AHCYL1: variants seen among roughly 807,000 people sequenced by gnomAD.
AHCYL1 encodes the protein adenosylhomocysteinase like 1, also known as S-adenosylhomocysteine hydrolase-like protein 1.
In AHCYL1, 20 loss-of-function variants were observed where a neutral mutation model predicts 79.3. The observed-to-expected ratio is 0.25, with a 90% CI of 0.18 to 0.37. The LOEUF (loss-of-function observed/expected upper bound fraction) is 0.37, where lower values mean the gene tolerates loss of function less well. AHCYL1 is among the 10% of genes least tolerant of loss of function. The pLI, the probability that AHCYL1 is intolerant of heterozygous loss-of-function variation, is 1.00. For missense variants in AHCYL1, 330 were observed against 673.6 expected (o/e 0.49, Z 5.65); for synonymous variants, 223 against 242.2 (o/e 0.92, Z 0.74).
At position 110,017,995 on chromosome 1, in the gene AHCYL1, G is replaced by A. The variant is rs1417659180; in HGVS notation, c.1102G>A (p.Asp368Asn). ...GCTAAATGAAGTCATCCGGCAAGTC[G>A]ATGTCGTAATAACTTGCACAGGTAA... ...VKLNEVIRQV[D>N]VVITCTGNKN... The change falls in exon 11 of 17, where the codon GAT becomes AAT. Residue 368 changes from aspartate (D) to asparagine (N), a missense_variant. By Grantham distance (23) the Asp-to-Asn change is conservative (BLOSUM62 1). Coordinates refer to ENST00000369799, the MANE Select transcript of AHCYL1 (RefSeq NM_006621.7). 6 of 1,614,044 alleles carry A rather than the reference G, an allele frequency of 3.7e-6. No homozygotes were observed. Among genetic ancestry groups the A allele is most frequent in the African/African-American group, 2.7e-5 (2 of 74,922 alleles).
chr1:110,016,822 G>T (rs1651449857), intron 9 of AHCYL1, 92 bp downstream of exon 9: 1 of 1,438,784 alleles, frequency 7.0e-7, no homozygotes, highest in Admixed American at 2.2e-5. Context: ...TAGAGTCACT[G>T]ATACAAGGTT....
chr1:110,012,265 CATCTCACCAT>C (rs1056562385), intron 3 of AHCYL1, 87 bp from the exon 4 acceptor site: 17 of 1,046,526 alleles, frequency 1.6e-5, no homozygotes, highest in Non-Finnish European at 2.2e-5. Context: ...TTTTCTGCCT[CATCTCACCAT>C]ATCTCAACAG....
intron 3 of AHCYL1, 143 bp downstream of exon 3, chr1:110,011,500 T>A (rs138698293): frequency 8.7e-7 from 1 of 1,148,520 alleles, no homozygotes; most frequent in African/African-American, 1.6e-5. Context: ...TAAACACTTC[T>A]CTCTCTATGG....
intron 1 of AHCYL1, among the ~76,000 whole-genome samples, chr1:110,000,273 GA>G (rs1319196473): frequency 6.6e-6 from 1 of 152,142 alleles, no homozygotes; most frequent in African/African-American, 2.4e-5. Context: ...TACAAATAGG[GA>G]ATTCTGAATT....
intron 1 of AHCYL1, among the ~76,000 whole-genome samples, chr1:109,990,346 G>C (rs1649688859): frequency 6.6e-6 from 1 of 152,078 alleles, no homozygotes; most frequent in Non-Finnish European, 1.5e-5. Context: ...GGGTTTTTTT[G>C]TACCTAGAGT....
intron 1 of AHCYL1, 106 bp from the exon 2 acceptor site, chr1:110,008,928 C>T: frequency 1.2e-6 from 1 of 804,434 alleles, no homozygotes; most frequent in Non-Finnish European, 1.9e-6. Context: ...TAGTAGGAAC[C>T]ATGTGATTAC....
At chr1:110,011,135 G>T (rs576613696) in intron 2 of AHCYL1, 79 bp from the exon 3 acceptor site, 202 of 1,532,062 alleles carry the variant, frequency 1.3e-4, no homozygotes, top group African/African-American at 4.3e-4. Flanking sequence ...TTAAATGAAA[G>T]TCCCTTGGGG....
intron 1 of AHCYL1, among the ~76,000 whole-genome samples, chr1:110,000,608 A>G (rs1325532812): frequency 6.6e-6 from 1 of 152,238 alleles, no homozygotes; most frequent in African/African-American, 2.4e-5. Flanking sequence ...TTATAAGCTC[A>G]GAAAGCTTAT....
At chr1:110,001,808 A>G (rs1650328731) in intron 1 of AHCYL1, among the ~76,000 whole-genome samples, 1 of 152,242 alleles carries the variant, frequency 6.6e-6, no homozygotes, top group Non-Finnish European at 1.5e-5. Context: ...AGAAAAAAGG[A>G]AAGCTTTAAG....
At chr1:110,021,242 AAAAC>A (rs771107417) in intron 16 of AHCYL1, among the ~76,000 whole-genome samples, 2 of 152,090 alleles carry the variant, frequency 1.3e-5, no homozygotes, top group Non-Finnish European at 2.9e-5. Flanking sequence ...CTCTGTCTTA[AAAAC>A]AAACAAACAA....
chr1:110,000,463 T>C (rs7553933), intron 1 of AHCYL1, among the ~76,000 whole-genome samples: 17,317 of 152,224 alleles, frequency 0.11, 2,989 homozygotes, highest in African/African-American at 0.37. Flanking sequence ...AGCAGTACTT[T>C]TCAATGGCAA....
intron 16 of AHCYL1, 65 bp downstream of exon 16, chr1:110,020,916 C>G (rs1412635344): frequency 6.4e-7 from 1 of 1,550,996 alleles, no homozygotes; most frequent in African/African-American, 1.4e-5. Context: ...GGCTAGCCTG[C>G]TTCTGACATA....
chr1:109,995,974 C>G (rs1381186073), intron 1 of AHCYL1, among the ~76,000 whole-genome samples: 1 of 152,198 alleles, frequency 6.6e-6, no homozygotes, highest in Non-Finnish European at 1.5e-5. Flanking sequence ...AATCCCAACA[C>G]TTTGGGAGGC....
At chr1:110,006,467 C>T (rs555108403) in intron 1 of AHCYL1, among the ~76,000 whole-genome samples, 16 of 152,254 alleles carry the variant, frequency 1.1e-4, no homozygotes, top group African/African-American at 3.4e-4. Context: ...TCTTCCTTTT[C>T]GTCTTACCCA....
At chr1:110,011,422 A>G in intron 3 of AHCYL1, 65 bp downstream of exon 3, 1 of 1,587,154 alleles carries the variant, frequency 6.3e-7, no homozygotes, top group Non-Finnish European at 8.6e-7. Flanking sequence ...GAATCCACAA[A>G]CAACTTAAGA....
At chr1:110,019,264 A>G in intron 14 of AHCYL1, 145 bp downstream of exon 14, 1 of 865,752 alleles carries the variant, frequency 1.2e-6, no homozygotes, top group South Asian at 1.6e-5. Flanking sequence ...ATTCTTAAGT[A>G]TAGAAAAGAG....
intron 1 of AHCYL1, among the ~76,000 whole-genome samples, chr1:110,007,112 A>C (rs1439482749): frequency 6.6e-6 from 1 of 152,186 alleles, no homozygotes; most frequent in Non-Finnish European, 1.5e-5. Flanking sequence ...CTCTTGCCAC[A>C]GCCACCTTTC....
chr1:110,000,572 C>T (rs1413136328), intron 1 of AHCYL1, among the ~76,000 whole-genome samples: 1 of 151,998 alleles, frequency 6.6e-6, no homozygotes, highest in Non-Finnish European at 1.5e-5. Context: ...TTTCCTTTAC[C>T]AGTGCTTACA....
chr1:110,014,281 T>G (rs1651264744), intron 5 of AHCYL1, among the ~76,000 whole-genome samples: 1 of 152,232 alleles, frequency 6.6e-6, no homozygotes, highest in Non-Finnish European at 1.5e-5. Context: ...CTACTTTACA[T>G]AAATTCTAAT....
Sources: gnomAD v4.1 joint callset for allele counts (sites outside exome capture counted in the v4.1 genomes callset) on GRCh38, gnomAD v4.1.1 for gene constraint, MANE v1.5 for transcripts, NCBI Gene and HGNC (gene_info 2026-07-23, HGNC 2026-07-21) for gene names.